Variants in RGS8 observed in about 807,000 individuals in gnomAD.
RGS8 encodes the protein regulator of G protein signaling 8.
Under a neutral mutation model 21.7 loss-of-function variants are expected in RGS8, and 8 were observed. That is an observed-to-expected ratio of 0.37 (90% confidence interval 0.22 to 0.66). The LOEUF is 0.66. Ranked by LOEUF, RGS8 falls within the 30% of genes least tolerant of loss-of-function variation. The pLI, the probability that RGS8 is intolerant of heterozygous loss-of-function variation, is 0.59. For synonymous variants in RGS8, 80 were observed against 83.6 expected (o/e 0.96, Z 0.24); for missense variants, 157 against 217.9 (o/e 0.72, Z 1.76).
At chr1:182,717,668 T>A in the RGS8 span, among the ~76,000 whole-genome samples, 1 of 152,192 alleles carries the variant, frequency 6.6e-6, no homozygotes, top group African/African-American at 2.4e-5. Flanking sequence ...CCTCCCCTAT[T>A]GTGTTTTCTT....
chr1:182,671,670 T>C (rs1317941274), exon 2 of RGS8: 2 of 1,614,116 alleles, frequency 1.2e-6, no homozygotes, highest in Non-Finnish European at 1.7e-6. Flanking sequence ...CTTTGGCCAG[T>C]CCTCATGGCC....
upstream of RGS8, among the ~76,000 whole-genome samples, chr1:182,689,305 AC>A (rs750533434): frequency 7.7e-6 from 1 of 130,570 alleles, no homozygotes; most frequent in South Asian, 2.4e-4. Flanking sequence ...ACACACACAC[AC>A]CCCACAAGTG....
chr1:182,655,005 T>C (rs1663198469), intron 5 of RGS8, among the ~76,000 whole-genome samples: 1 of 152,202 alleles, frequency 6.6e-6, no homozygotes, highest in Non-Finnish European at 1.5e-5. Context: ...ATAGCACACT[T>C]ACTTTGGGCC....
At chr1:182,708,310 C>G in the RGS8 span, among the ~76,000 whole-genome samples, 14 of 152,312 alleles carry the variant, frequency 9.2e-5, no homozygotes, top group South Asian at 2.9e-3. Flanking sequence ...GAATTTTCCC[C>G]CATACTGCCT....
intron 5 of RGS8, among the ~76,000 whole-genome samples, chr1:182,663,036 A>G (rs1182578527): frequency 6.6e-6 from 1 of 152,110 alleles, no homozygotes; most frequent in Admixed American, 6.5e-5. Flanking sequence ...ATTACCAGGG[A>G]GTGGGTTCTA....
the RGS8 span, among the ~76,000 whole-genome samples, chr1:182,723,938 T>C: frequency 6.6e-5 from 10 of 151,960 alleles, no homozygotes; most frequent in South Asian, 2.1e-3. Flanking sequence ...AAAACGAGAA[T>C]AGGTTCAGAG....
chr1:182,744,735 G>C, the RGS8 span, among the ~76,000 whole-genome samples: 1 of 152,178 alleles, frequency 6.6e-6, no homozygotes, highest in Non-Finnish European at 1.5e-5. Flanking sequence ...ACTTTTTGTT[G>C]TTTCACACGA....
At chr1:182,668,661 G>A (rs559758429) in intron 3 of RGS8, among the ~76,000 whole-genome samples, 13 of 152,266 alleles carry the variant, frequency 8.5e-5, no homozygotes, top group East Asian at 1.9e-4. Flanking sequence ...GGGCCTGCAC[G>A]TCCCCTGCTC....
At chr1:182,700,024 C>T in the RGS8 span, among the ~76,000 whole-genome samples, 1 of 152,216 alleles carries the variant, frequency 6.6e-6, no homozygotes, top group Non-Finnish European at 1.5e-5. Flanking sequence ...CCTTCCCGAG[C>T]TCGGGATCCA....
chr1:182,695,938 C>T, the RGS8 span, among the ~76,000 whole-genome samples: 1 of 152,172 alleles, frequency 6.6e-6, no homozygotes, highest in East Asian at 1.9e-4. Context: ...CATTTACAAG[C>T]CTCTGCACCC....
chr1:182,749,500 T>C, the RGS8 span, among the ~76,000 whole-genome samples: 11 of 152,222 alleles, frequency 7.2e-5, no homozygotes, highest in Non-Finnish European at 1.2e-4. Flanking sequence ...TAGGACTTTG[T>C]AGTATACTTT....
At chr1:182,707,224 G>A in the RGS8 span, among the ~76,000 whole-genome samples, 1 of 152,144 alleles carries the variant, frequency 6.6e-6, no homozygotes, top group Admixed American at 6.5e-5. Flanking sequence ...TGCCTGAGAG[G>A]ACACTACTAC....
chr1:182,720,161 T>C, the RGS8 span, among the ~76,000 whole-genome samples: 2 of 151,754 alleles, frequency 1.3e-5, no homozygotes, highest in Non-Finnish European at 2.9e-5. Context: ...AAGTCTTCTC[T>C]TGTTTGTTTG....
the RGS8 span, among the ~76,000 whole-genome samples, chr1:182,738,260 T>C: frequency 7.2e-5 from 11 of 152,332 alleles, no homozygotes; most frequent in African/African-American, 2.6e-4. Flanking sequence ...AAAGCAACCT[T>C]GAACAGTTGT....
At chr1:182,727,339 A>T in the RGS8 span, among the ~76,000 whole-genome samples, 1 of 152,234 alleles carries the variant, frequency 6.6e-6, no homozygotes, top group African/African-American at 2.4e-5. Flanking sequence ...TCTAGAAAGA[A>T]CATGTAGAAC....
chr1:182,670,536 G>T (rs1571344440), intron 2 of RGS8, among the ~76,000 whole-genome samples: 1 of 152,204 alleles, frequency 6.6e-6, no homozygotes, highest in Admixed American at 6.5e-5. Context: ...CTGATAGGAA[G>T]AAACACGTGA....
At chr1:182,670,818 G>C (rs573810656) in intron 2 of RGS8, among the ~76,000 whole-genome samples, 1 of 152,292 alleles carries the variant, frequency 6.6e-6, no homozygotes, top group South Asian at 2.1e-4. Flanking sequence ...CACGGATTGT[G>C]TTCCCTGGCT....
downstream of RGS8, chr1:182,642,388 GCCTCTGCCTTGC>G (rs1294270780): frequency 1.3e-5 from 2 of 152,436 alleles, no homozygotes; most frequent in Non-Finnish European, 2.9e-5. Context: ...AAACTGTGAT[GCCTCTGCCTTGC>G]ATGGAAGTGG....
At chr1:182,751,199 T>C in the RGS8 span, among the ~76,000 whole-genome samples, 1 of 152,208 alleles carries the variant, frequency 6.6e-6, no homozygotes, top group Non-Finnish European at 1.5e-5. Flanking sequence ...TGCCAAGAAC[T>C]TTGAGATTTG....
Sources: gnomAD v4.1 joint callset for allele counts (sites outside exome capture counted in the v4.1 genomes callset) on GRCh38, gnomAD v4.1.1 for gene constraint, MANE v1.5 for transcripts, NCBI Gene and HGNC (gene_info 2026-07-23, HGNC 2026-07-21) for gene names.